Variants in EPHA6 observed in about 807,000 individuals in gnomAD.
The protein encoded by EPHA6 is EPH receptor A6.
Under a neutral mutation model 112.0 loss-of-function variants are expected in EPHA6, and 50 were observed. That is an observed-to-expected ratio of 0.45 (90% CI 0.36 to 0.56). EPHA6 has a LOEUF of 0.56. Among genes scored for constraint, EPHA6 ranks in the 20% least tolerant of loss-of-function variants. The pLI, the probability that EPHA6 is intolerant of heterozygous loss-of-function variation, is 0.00. For synonymous variants in EPHA6, 529 were observed against 490.7 expected, an observed-to-expected ratio of 1.08 and a Z score of -1.03; for missense variants, 1,280 against 1,417.4, an observed-to-expected ratio of 0.90 and a Z score of 1.56.
chr3:97,561,828 G>A (rs936189411), intron 11 of EPHA6, among the ~76,000 whole-genome samples: 1 of 152,024 alleles, frequency 6.6e-6, no homozygotes, highest in African/African-American at 2.4e-5. Flanking sequence ...TTTCTGTAGG[G>A]GCTAATGCAG....
At chr3:96,854,673 GA>G in intron 1 of EPHA6, among the ~76,000 whole-genome samples, 1 of 152,176 alleles carries the variant, frequency 6.6e-6, no homozygotes, top group Middle Eastern at 3.4e-3. Flanking sequence ...TTGTAAATGA[GA>G]AGAAGAAATT....
intron 5 of EPHA6, among the ~76,000 whole-genome samples, chr3:97,351,189 T>A (rs560668010): frequency 6.6e-6 from 1 of 152,290 alleles, no homozygotes; most frequent in East Asian, 1.9e-4. Flanking sequence ...TATTAGTTGA[T>A]ACAGTGGAAA....
At chr3:97,699,118 AGCAGGGT>A (rs2033214213) in intron 14 of EPHA6, among the ~76,000 whole-genome samples, 1 of 152,204 alleles carries the variant, frequency 6.6e-6, no homozygotes, top group Non-Finnish European at 1.5e-5. Flanking sequence ...CATATAGACG[AGCAGGGT>A]TCAGAAACAC....
chr3:96,943,359 T>C (rs1162363504), intron 2 of EPHA6, among the ~76,000 whole-genome samples: 2 of 152,184 alleles, frequency 1.3e-5, no homozygotes, highest in African/African-American at 2.4e-5. Context: ...TATTATACAG[T>C]GTATACATAT....
At chr3:97,178,233 C>A (rs1354317595) in intron 3 of EPHA6, among the ~76,000 whole-genome samples, 4 of 152,028 alleles carry the variant, frequency 2.6e-5, no homozygotes, top group African/African-American at 9.7e-5. Context: ...AATAAAAATT[C>A]TATGCCTTAA....
intron 2 of EPHA6, among the ~76,000 whole-genome samples, chr3:96,930,771 C>T (rs1195288850): frequency 2.0e-5 from 3 of 151,950 alleles, no homozygotes; most frequent in African/African-American, 7.2e-5. Flanking sequence ...GTGGGCAGAT[C>T]ACCTAAGGTC....
At chr3:97,546,558 T>C (rs1252135852) in intron 11 of EPHA6, among the ~76,000 whole-genome samples, 1 of 152,188 alleles carries the variant, frequency 6.6e-6, no homozygotes, top group Non-Finnish European at 1.5e-5. Context: ...GTTGCTCTTC[T>C]CGAAGAGTAT....
In EPHA6 at chr3:97,749,748, G is replaced by T. The variant is rs991504228; in HGVS notation, c.*1047G>T. Reference sequence around the variant, plus strand: ...TTATGATAGATACATGGTGGCCCAAGAAAATAAACAGACTTAGCTGATCAT... The same window carrying T: ...TTATGATAGATACATGGTGGCCCAATAAAATAAACAGACTTAGCTGATCAT... On this transcript the variant is annotated 3_prime_UTR_variant, in exon 18 of 18. Coordinates refer to ENST00000389672, the MANE Select transcript of EPHA6 (RefSeq NM_001080448.3). 6.6e-6 allele frequency among the ~76,000 whole-genome samples: 1 copy of T among 152,134 alleles called. No homozygotes were observed. Among genetic ancestry groups the T allele is most frequent in the Non-Finnish European group, 1.5e-5 (1 of 68,000 alleles).
intron 3 of EPHA6, among the ~76,000 whole-genome samples, chr3:97,112,871 A>G (rs1384939138): frequency 1.3e-5 from 2 of 152,132 alleles, no homozygotes; most frequent in African/African-American, 4.8e-5. Flanking sequence ...AAGTGATAGG[A>G]TAGTCTCTAA....
At chr3:97,238,001 A>G (rs932765236) in intron 4 of EPHA6, among the ~76,000 whole-genome samples, 1 of 151,990 alleles carries the variant, frequency 6.6e-6, no homozygotes, top group Non-Finnish European at 1.5e-5. Context: ...TATTACAATT[A>G]GTTATTCTAT....
Position 97,756,967 on chromosome 3 carries a change from C to T in EPHA6, c.*8266C>T, listed in dbSNP as rs145818474. Among the ~76,000 whole-genome samples, 2 of 151,772 alleles carry T rather than the reference C, an allele frequency of 1.3e-5. No individual in the cohort carries two copies. Among genetic ancestry groups the T allele is most frequent in the African/African-American group, 4.8e-5 (2 of 41,460 alleles). On this transcript the variant is annotated 3_prime_UTR_variant, in exon 18 of 18. Coordinates refer to ENST00000389672, the MANE Select transcript of EPHA6 (RefSeq NM_001080448.3). ...ATTTTGTGTACAGTGAAAACTTTGA[C>T]AGTTTAATTTTGAATTTTGAAGGAA...
intron 5 of EPHA6, among the ~76,000 whole-genome samples, chr3:97,376,357 C>A (rs998550240): frequency 6.6e-6 from 1 of 152,104 alleles, no homozygotes; most frequent in African/African-American, 2.4e-5. Context: ...ATGAAATAGG[C>A]AGGCTTCTGA....
At chr3:97,416,920 C>T (rs2088175954) in intron 6 of EPHA6, among the ~76,000 whole-genome samples, 1 of 152,024 alleles carries the variant, frequency 6.6e-6, no homozygotes, top group African/African-American at 2.4e-5. Context: ...TCATTCTCTT[C>T]TTTCCCTTTT....
chr3:97,037,898 G>T (rs1422679741), intron 3 of EPHA6, among the ~76,000 whole-genome samples: 1 of 151,968 alleles, frequency 6.6e-6, no homozygotes, highest in Non-Finnish European at 1.5e-5. Flanking sequence ...GGGTATGATG[G>T]CAAAAGATAG....
intron 10 of EPHA6, among the ~76,000 whole-genome samples, chr3:97,517,797 T>C (rs950922313): frequency 2.0e-5 from 3 of 152,038 alleles, no homozygotes; most frequent in Non-Finnish European, 4.4e-5. Context: ...TCTCCTCCCT[T>C]CTTCTATTAG....
At chr3:97,285,732 A>G (rs2080443542) in intron 5 of EPHA6, among the ~76,000 whole-genome samples, 1 of 152,044 alleles carries the variant, frequency 6.6e-6, no homozygotes, top group Admixed American at 6.5e-5. Context: ...TTTGATAAAT[A>G]CCCAGTAGTG....
chr3:96,892,954 ATGTGTGTGTG>A (rs144428670), intron 2 of EPHA6, among the ~76,000 whole-genome samples: 1 of 132,326 alleles, frequency 7.6e-6, no homozygotes, highest in Admixed American at 9.9e-5. Context: ...ATATATATAT[ATGTGTGTGTG>A]TGTGTGTGTG....
intron 3 of EPHA6, among the ~76,000 whole-genome samples, chr3:97,165,976 A>G (rs1355996571): frequency 6.6e-6 from 1 of 152,138 alleles, no homozygotes; most frequent in Non-Finnish European, 1.5e-5. Context: ...GTGCATGACT[A>G]GATTTCTGTG....
At chr3:97,501,911 G>A (rs1486054337) in intron 10 of EPHA6, among the ~76,000 whole-genome samples, 1 of 151,560 alleles carries the variant, frequency 6.6e-6, no homozygotes, top group Non-Finnish European at 1.5e-5. Context: ...AGAGATGAGA[G>A]GCTGAAGAAA....
Sources: allele counts gnomAD v4.1 joint callset (sites outside exome capture counted in the v4.1 genomes callset), GRCh38; gene constraint gnomAD v4.1.1; transcripts MANE v1.5; gene names NCBI Gene and HGNC (gene_info 2026-07-23, HGNC 2026-07-21).